The following RYR3 variants were observed in gnomAD, a reference collection of about 807,000 sequenced individuals.
RYR3 encodes brain ryanodine receptor-calcium release channel.
RYR3 carries 207 observed loss-of-function variants against 584.3 expected under a neutral mutation model. The ratio of observed to expected loss-of-function variants is 0.35; its 90% CI spans 0.32 to 0.40. RYR3 has a LOEUF of 0.40. Among genes scored for constraint, RYR3 ranks in the 10% least tolerant of loss-of-function variants. The pLI, the probability that RYR3 is intolerant of heterozygous loss-of-function variation, is 1.00. For synonymous variants in RYR3, 2,416 were observed against 2,248.5 expected, an observed-to-expected ratio of 1.07 and a Z score of -2.11; for missense variants, 5,616 against 6,089.2, an observed-to-expected ratio of 0.92 and a Z score of 2.59.
At chr15:33,581,378 A>C in intron 13 of RYR3, 130 bp from the exon 14 acceptor site, 1 of 903,200 alleles carries the variant, frequency 1.1e-6, no homozygotes, top group African/African-American at 1.6e-5. Flanking sequence ...CCCAACTGGC[A>C]CCATGAAGGT....
chr15:33,335,782 C>T (rs772191879), intron 1 of RYR3, among the ~76,000 whole-genome samples: 5 of 151,198 alleles, frequency 3.3e-5, no homozygotes, highest in Admixed American at 1.3e-4. Flanking sequence ...TTGCCAACCC[C>T]TACCTGCTAT....
At chr15:33,440,693 A>G (rs2046146453) in intron 1 of RYR3, among the ~76,000 whole-genome samples, 1 of 152,222 alleles carries the variant, frequency 6.6e-6, no homozygotes, top group South Asian at 2.1e-4. Context: ...TCCTTATTCA[A>G]AATTCCACAA....
intron 40 of RYR3, among the ~76,000 whole-genome samples, chr15:33,698,497 G>A (rs2066024225): frequency 6.6e-6 from 1 of 152,196 alleles, no homozygotes; most frequent in South Asian, 2.1e-4. Context: ...GTTGCTAAGG[G>A]GAGAGTTGTG....
chr15:33,353,066 C>CAGCAGTTCTAG (rs1483325766), intron 1 of RYR3, among the ~76,000 whole-genome samples: 1 of 152,180 alleles, frequency 6.6e-6, no homozygotes, highest in East Asian at 1.9e-4. Context: ...AGGTTTAGAG[C>CAGCAGTTCTAG]AGCAGTTCTA....
intron 67 of RYR3, among the ~76,000 whole-genome samples, chr15:33,789,481 T>A (rs2074957683): frequency 6.7e-6 from 1 of 150,296 alleles, no homozygotes; most frequent in Non-Finnish European, 1.5e-5. Context: ...GACTGCTTTA[T>A]GCTTTTTTTT....
At chr15:33,765,452 A>C (rs1270922822) in intron 60 of RYR3, among the ~76,000 whole-genome samples, 1 of 151,668 alleles carries the variant, frequency 6.6e-6, no homozygotes, top group African/African-American at 2.4e-5. Flanking sequence ...GGCTAACATG[A>C]TAAAACCCCG....
rs1049875015 is a variant in RYR3, at chr15:33,746,163, A to G, written c.7989+6A>G. 1 of 1,576,436 alleles carries G rather than the reference A, an allele frequency of 6.3e-7. No homozygotes were observed. Among genetic ancestry groups the G allele is most frequent in the Non-Finnish European group, 8.6e-7 (1 of 1,156,530 alleles). On this transcript the variant is annotated splice_donor_region_variant and intron_variant, in intron 53 of 103. Transcript: ENST00000634891. ...TCAAGACATTAACGGAGAAGGTAAG[A>G]AGCAGGCCTCTGGTAACACTGTGTG...
At chr15:33,788,891 G>A (rs2074912637) in intron 67 of RYR3, among the ~76,000 whole-genome samples, 1 of 152,204 alleles carries the variant, frequency 6.6e-6, no homozygotes, top group African/African-American at 2.4e-5. Flanking sequence ...GGCTAGGAGA[G>A]GTGCATAAAC....
intron 2 of RYR3, among the ~76,000 whole-genome samples, chr15:33,474,693 A>T (rs2049224906): frequency 6.6e-6 from 1 of 152,140 alleles, no homozygotes; most frequent in Admixed American, 6.5e-5. Context: ...AACCTTTTTT[A>T]AAAAAACCGA....
chr15:33,582,633 T>A (rs1000774144), intron 14 of RYR3, among the ~76,000 whole-genome samples: 3 of 152,188 alleles, frequency 2.0e-5, no homozygotes, highest in African/African-American at 7.2e-5. Flanking sequence ...ATTTCACTGA[T>A]GATGAAACTG....
intron 1 of RYR3, among the ~76,000 whole-genome samples, chr15:33,327,794 A>G (rs1416402300): frequency 2.0e-5 from 3 of 152,130 alleles, no homozygotes; most frequent in South Asian, 4.2e-4. Context: ...TTGGGTATAC[A>G]GTGACTCAGT....
At chr15:33,843,319 CAAAAAA>C (rs932073799) in intron 91 of RYR3, among the ~76,000 whole-genome samples, 163 bp from the exon 92 acceptor site, 3 of 149,742 alleles carry the variant, frequency 2.0e-5, no homozygotes, top group Non-Finnish European at 3.0e-5. Context: ...GACTCCATCT[CAAAAAA>C]AAAGAAAGAA....
intron 1 of RYR3, among the ~76,000 whole-genome samples, chr15:33,429,553 A>C (rs1279019687): frequency 6.6e-6 from 1 of 152,188 alleles, no homozygotes; most frequent in East Asian, 1.9e-4. Context: ...TAAACATGCC[A>C]TTGCTGTCTC....
intron 58 of RYR3, 150 bp downstream of exon 58, chr15:33,755,330 A>C: frequency 1.6e-6 from 1 of 636,024 alleles, no homozygotes; most frequent in Non-Finnish European, 2.8e-6. Context: ...ACTTAAAAAA[A>C]ATCAATCCGG....
chr15:33,360,439 G>A (rs929535732), intron 1 of RYR3, among the ~76,000 whole-genome samples: 1 of 152,014 alleles, frequency 6.6e-6, no homozygotes, highest in Non-Finnish European at 1.5e-5. Flanking sequence ...TCTATGTTAC[G>A]GCATGTACCA....
At chr15:33,500,449 A>G (rs2051870406) in intron 2 of RYR3, among the ~76,000 whole-genome samples, 1 of 152,222 alleles carries the variant, frequency 6.6e-6, no homozygotes, top group Non-Finnish European at 1.5e-5. Context: ...TGGAGGATAT[A>G]TAGACCTTGC....
intron 2 of RYR3, among the ~76,000 whole-genome samples, chr15:33,489,042 C>G (rs145457704): frequency 4.3e-4 from 66 of 152,286 alleles, no homozygotes; most frequent in African/African-American, 1.6e-3. Flanking sequence ...TTCAAGAGAT[C>G]TGGCTTTGCT....
chr15:33,331,183 C>T lies in RYR3; in HGVS notation c.51+20087C>T, dbSNP rs184045705. Among the ~76,000 whole-genome samples, 842 of 152,212 alleles carry T rather than the reference C, an allele frequency of 5.5e-3. 7 individuals carry two copies. The highest frequency in any genetic ancestry group is 0.019 in the African/African-American group (799 of 41,532). On this transcript the variant is annotated intron_variant, in intron 1 of 103. Transcript: ENST00000634891. ...AACATACTAAAGTTAACTTTTTTCT[C>T]GACAAATATACTTTGGACCTTTTGA...
chr15:33,398,621 A>C (rs960444448), intron 1 of RYR3, among the ~76,000 whole-genome samples: 1 of 152,142 alleles, frequency 6.6e-6, no homozygotes, highest in Non-Finnish European at 1.5e-5. Context: ...TGTTTTGGAG[A>C]GGAATTTTTC....
Sources: allele counts gnomAD v4.1 joint callset (sites outside exome capture counted in the v4.1 genomes callset), GRCh38; gene constraint gnomAD v4.1.1; transcripts MANE v1.5; gene names NCBI Gene and HGNC (gene_info 2026-07-23, HGNC 2026-07-21).